KCNT2: variants seen among roughly 807,000 people sequenced by gnomAD.
KCNT2 encodes the protein potassium sodium-activated channel subfamily T member 2, also known as potassium channel subfamily T member 2.
A neutral mutation model predicts 153.8 loss-of-function variants in KCNT2; 67 were observed. The ratio of observed to expected loss-of-function variants is 0.44; its 90% CI spans 0.36 to 0.53. The LOEUF is 0.53. Among genes scored for constraint, KCNT2 ranks in the 20% least tolerant of loss-of-function variants. KCNT2 has a pLI of 0.00. For synonymous variants in KCNT2, 500 were observed against 458.8 expected, an observed-to-expected ratio of 1.09 and a Z score of -1.15; for missense variants, 975 against 1,354.8, an observed-to-expected ratio of 0.72 and a Z score of 4.40.
At chr1:196,362,518 T>A (rs1667719013) in intron 14 of KCNT2, among the ~76,000 whole-genome samples, 1 of 152,082 alleles carries the variant, frequency 6.6e-6, no homozygotes, top group Non-Finnish European at 1.5e-5. Flanking sequence ...TTAAAAGTTC[T>A]GCTTGGAATT....
Position 196,245,211 on chromosome 1 carries a change from C to A in KCNT2, c.3212-9141G>T, listed in dbSNP as rs565890063. ...TTAAACACAAAGTCCAAGTCTCAGG[C>A]AGGTTGTGGTGGCTCATGCCTGTAA... is the stretch of plus-strand genomic sequence containing the variant. On this transcript the variant is annotated intron_variant, in intron 26 of 27. Coordinates refer to ENST00000294725, the MANE Select transcript of KCNT2 (RefSeq NM_198503.5). 2.6e-5 allele frequency among the ~76,000 whole-genome samples: 4 copies of A among 152,206 alleles called. No individual in the cohort carries two copies. In the South Asian group the frequency reaches 8.3e-4, roughly 32 times the overall value.
chr1:196,327,747 A>T (rs1664020859), intron 18 of KCNT2, among the ~76,000 whole-genome samples: 1 of 148,566 alleles, frequency 6.7e-6, no homozygotes, highest in African/African-American at 2.6e-5. Context: ...GCTCACTGAA[A>T]CCTCAAATTT....
chr1:196,294,044 C>A (rs187869983), intron 22 of KCNT2, among the ~76,000 whole-genome samples: 34 of 152,104 alleles, frequency 2.2e-4, no homozygotes, highest in African/African-American at 7.7e-4. Flanking sequence ...AGACAATGGA[C>A]CTACAGAAAC....
intron 15 of KCNT2, 27 bp from the exon 16 acceptor site, chr1:196,340,597 T>G (rs768283366): frequency 7.4e-7 from 1 of 1,348,508 alleles, no homozygotes; most frequent in Non-Finnish European, 1.0e-6. Flanking sequence ...AGAGAGTTTG[T>G]AAGAAAATTA....
In KCNT2 at chr1:196,228,255, C is replaced by G; in HGVS notation, c.3377G>C (p.Gly1126Ala). 6.2e-7 allele frequency: 1 copy of G among 1,609,734 alleles called. No homozygotes were observed. Among genetic ancestry groups the G allele is most frequent in the South Asian group, 1.1e-5 (1 of 90,808 alleles). Residue 1126 changes from glycine to alanine, a missense_variant, in exon 28 of 28, where the codon GGT becomes GCT. Physicochemically the swap from Gly to Ala is moderately conservative, Grantham distance 60. This residue lies in a region of KCNT2 where 241 missense variants were observed against 271.1 expected (regional missense o/e 0.89). Transcript: ENST00000294725. ...TTGAGTTTCCTCCCGAGAATCTTGACCAGTGACATTGCAGATGCTGTTTCT... is the reference window on the plus strand; with the variant it reads ...TTGAGTTTCCTCCCGAGAATCTTGAGCAGTGACATTGCAGATGCTGTTTCT... ...SRRNSICNVT[G>A]QDSREETQL
At chr1:196,419,460 T>C (rs1261004714) in intron 12 of KCNT2, among the ~76,000 whole-genome samples, 1 of 151,160 alleles carries the variant, frequency 6.6e-6, no homozygotes, top group African/African-American at 2.4e-5. Flanking sequence ...TGCGATAGTT[T>C]GCTGAGAATG....
intron 1 of KCNT2, among the ~76,000 whole-genome samples, chr1:196,579,313 G>A (rs1399765002): frequency 6.6e-6 from 1 of 151,902 alleles, no homozygotes; most frequent in Non-Finnish European, 1.5e-5. Context: ...ATAAACCCTG[G>A]GGCCTACTTG....
In KCNT2 at chr1:196,267,836, G is replaced by T. The variant is rs1364238537; in HGVS notation, c.2911-9342C>A. Reference sequence around the variant, plus strand: ...ACTCTATAGGAAAGGGCCAAACTTGGGCATAAGTCACTTGCAGGAAGGAAA... The same window carrying T: ...ACTCTATAGGAAAGGGCCAAACTTGTGCATAAGTCACTTGCAGGAAGGAAA... On this transcript the variant is annotated intron_variant, in intron 25 of 27. Coordinates refer to ENST00000294725, the MANE Select transcript of KCNT2 (RefSeq NM_198503.5). Among the ~76,000 whole-genome samples, 8 of 152,106 alleles carry T rather than the reference G, an allele frequency of 5.3e-5. No homozygotes were observed. In the South Asian group the frequency reaches 1.7e-3, roughly 32 times the overall value.
chr1:196,411,325 T>C (rs1208978027), intron 12 of KCNT2, among the ~76,000 whole-genome samples: 1 of 151,376 alleles, frequency 6.6e-6, no homozygotes, highest in Non-Finnish European at 1.5e-5. Flanking sequence ...CTTTGAAATA[T>C]ATTTTTAAAT....
At chr1:196,454,141 C>T (rs1009828593) in intron 8 of KCNT2, among the ~76,000 whole-genome samples, 2 of 151,912 alleles carry the variant, frequency 1.3e-5, no homozygotes, top group Non-Finnish European at 2.9e-5. Flanking sequence ...GATGTCTATA[C>T]ATATTTTTCA....
At chr1:196,546,490 A>C (rs1382782717) in intron 1 of KCNT2, among the ~76,000 whole-genome samples, 1 of 152,072 alleles carries the variant, frequency 6.6e-6, no homozygotes, top group African/African-American at 2.4e-5. Context: ...CATAACACTG[A>C]GTGCTTTCTA....
chr1:196,457,445 G>T (rs1676773267), intron 8 of KCNT2, among the ~76,000 whole-genome samples: 1 of 150,452 alleles, frequency 6.6e-6, no homozygotes, highest in Admixed American at 6.6e-5. Context: ...GGCATAATAT[G>T]AGCCCTGGAC....
chr1:196,411,446 TAAAAA>T (rs35196093), intron 12 of KCNT2, among the ~76,000 whole-genome samples: 1 of 96,322 alleles, frequency 1.0e-5, no homozygotes. Flanking sequence ...CTATTCCAGT[TAAAAA>T]AAAAAAAAAA....
intron 8 of KCNT2, among the ~76,000 whole-genome samples, chr1:196,447,756 A>G (rs1364226745): frequency 6.6e-6 from 1 of 151,336 alleles, no homozygotes; most frequent in African/African-American, 2.4e-5. Context: ...CAGAGAAGAT[A>G]GACGAAAAAA....
intron 21 of KCNT2, among the ~76,000 whole-genome samples, chr1:196,314,849 A>G (rs1451593350): frequency 1.3e-5 from 2 of 151,716 alleles, no homozygotes; most frequent in Non-Finnish European, 2.9e-5. Context: ...TAATATTAAT[A>G]GCTAATATTT....
intron 1 of KCNT2, among the ~76,000 whole-genome samples, chr1:196,589,439 T>A (rs886920314): frequency 6.6e-6 from 1 of 152,104 alleles, no homozygotes; most frequent in African/African-American, 2.4e-5. Flanking sequence ...ATTTTTAAGA[T>A]AAAATAATAA....
chr1:196,332,458 C>A (rs535483051), intron 17 of KCNT2, among the ~76,000 whole-genome samples: 51 of 152,078 alleles, frequency 3.4e-4, no homozygotes, highest in Non-Finnish European at 5.1e-4. Flanking sequence ...TTTGTGGGTA[C>A]ACCAACCTTT....
chr1:196,407,041 C>T lies in KCNT2; in HGVS notation c.1186-8370G>A, dbSNP rs1173847847. Among the ~76,000 whole-genome samples the T allele has an allele frequency of 2.0e-5, 3 of 151,454 alleles. No individual in the cohort carries two copies. In the Admixed American group the frequency reaches 2.0e-4, roughly 10 times the overall value. Reference sequence around the variant, plus strand: ...GAAAGCTGAAACACTGTATCGTTTACTAGTCCTTGGTCTGAGTTGGAGTAA... The same window carrying T: ...GAAAGCTGAAACACTGTATCGTTTATTAGTCCTTGGTCTGAGTTGGAGTAA... On this transcript the variant is annotated intron_variant, in intron 12 of 27. Coordinates refer to ENST00000294725, the MANE Select transcript of KCNT2 (RefSeq NM_198503.5).
At chr1:196,528,472 TG>T (rs1287221647) in intron 1 of KCNT2, among the ~76,000 whole-genome samples, 1 of 152,134 alleles carries the variant, frequency 6.6e-6, no homozygotes, top group Non-Finnish European at 1.5e-5. Context: ...CAAGTAGAAA[TG>T]GCATGAACTA....
Sources: allele counts gnomAD v4.1 joint callset (sites outside exome capture counted in the v4.1 genomes callset), GRCh38; gene constraint gnomAD v4.1.1; regional missense constraint gnomAD v4.1.1; transcripts MANE v1.5; gene names NCBI Gene and HGNC (gene_info 2026-07-23, HGNC 2026-07-21).